UBA6: variants seen among roughly 807,000 people sequenced by gnomAD.
UBA6 encodes ubiquitin-like modifier-activating enzyme 6.
Under a neutral mutation model 148.3 loss-of-function variants are expected in UBA6, and 87 were observed. The observed-to-expected ratio is 0.59, with a 90% CI of 0.49 to 0.70. The LOEUF is 0.70. Among genes scored for constraint, UBA6 ranks in the 30% least tolerant of loss-of-function variants. The pLI is 0.00. For synonymous variants in UBA6, 376 were observed against 401.0 expected (o/e 0.94, Z 0.75); for missense variants, 1,186 against 1,241.2 (o/e 0.96, Z 0.67).
intron 19 of UBA6, among the ~76,000 whole-genome samples, chr4:67,637,024 A>T (rs1729167399): frequency 6.8e-6 from 1 of 146,200 alleles, no homozygotes; most frequent in African/African-American, 2.6e-5. Flanking sequence ...GGATGTGAGG[A>T]GCGCCTCTGC....
chr4:67,692,833 G>A (rs1730726526), intron 2 of UBA6, among the ~76,000 whole-genome samples: 1 of 152,142 alleles, frequency 6.6e-6, no homozygotes, highest in Non-Finnish European at 1.5e-5. Flanking sequence ...CCAAGAAAGA[G>A]AACATCATTA....
chr4:67,653,660 G>A (rs774764363), intron 13 of UBA6, among the ~76,000 whole-genome samples: 76 of 152,066 alleles, frequency 5.0e-4, no homozygotes, highest in Admixed American at 6.6e-4. Context: ...CGCCAGCAAC[G>A]GAACAAAACT....
At chr4:67,686,952 T>TAAAAA (rs546442640) in intron 2 of UBA6, among the ~76,000 whole-genome samples, 61 of 57,184 alleles carry the variant, frequency 1.1e-3, no homozygotes, top group East Asian at 3.8e-3. Flanking sequence ...ATCCTGTCTC[T>TAAAAA]AAAAAAAAAA....
chr4:67,692,391 C>T (rs1430085445), intron 2 of UBA6, among the ~76,000 whole-genome samples: 2 of 152,144 alleles, frequency 1.3e-5, no homozygotes, highest in Non-Finnish European at 1.5e-5. Context: ...GGATTTAAGG[C>T]AGAAATGGAT....
intron 26 of UBA6, 59 bp downstream of exon 26, chr4:67,630,406 TC>T: frequency 9.9e-7 from 1 of 1,013,126 alleles, no homozygotes. Flanking sequence ...AATTAGTGCA[TC>T]AGTCATCTAA....
At chr4:67,683,668 A>G (rs1730493884) in intron 2 of UBA6, among the ~76,000 whole-genome samples, 1 of 152,030 alleles carries the variant, frequency 6.6e-6, no homozygotes, top group Admixed American at 6.6e-5. Context: ...GGCCCAGGGA[A>G]GCAAAAAGAT....
chr4:67,662,249 T>C lies in UBA6; in HGVS notation c.1044A>G (p.Gln348=). The C allele has an allele frequency of 6.2e-7, 1 of 1,613,542 alleles. No homozygotes were observed. The highest frequency in any genetic ancestry group is 8.5e-7 in the Non-Finnish European group (1 of 1,179,754). The change falls in exon 13 of 33, where the codon CAA becomes CAG. Residue 348 remains glutamine, a synonymous_variant. Transcript: ENST00000322244. ...GTTTCAACAGTTCTTCTGAATCTTG[T>C]TGGCATCTACAACTCAAAACAGAAC... The part of the protein sequence containing the change: ...KYSRKPNVGC[Q]QDSEELLKLA...
At chr4:67,636,805 G>A (rs1408233700) in intron 19 of UBA6, among the ~76,000 whole-genome samples, 11 of 151,970 alleles carry the variant, frequency 7.2e-5, no homozygotes, top group Admixed American at 5.9e-4. Context: ...GCCTCTGCCC[G>A]GCCGCCACCC....
At chr4:67,626,259 T>C (rs543263759) in intron 28 of UBA6, 101 bp downstream of exon 28, 8 of 708,948 alleles carry the variant, frequency 1.1e-5, no homozygotes, top group South Asian at 9.5e-5. Flanking sequence ...TTGTCATCAT[T>C]ATTATTGTTG....
chr4:67,687,894 T>C (rs1438590771), intron 2 of UBA6, among the ~76,000 whole-genome samples: 1 of 152,070 alleles, frequency 6.6e-6, no homozygotes, highest in Non-Finnish European at 1.5e-5. Context: ...ACCCCTGAAT[T>C]TAACAGTTAA....
intron 32 of UBA6, among the ~76,000 whole-genome samples, chr4:67,619,333 A>G (rs1250988192): frequency 6.6e-6 from 1 of 152,222 alleles, no homozygotes; most frequent in Non-Finnish European, 1.5e-5. Context: ...CTAACAGTGA[A>G]TAAATTTGGA....
chr4:67,635,425 A>T (rs1176471869), intron 20 of UBA6, 28 bp downstream of exon 20: 1 of 1,312,584 alleles, frequency 7.6e-7, no homozygotes, highest in African/African-American at 1.5e-5. Flanking sequence ...TAAAAAAGAC[A>T]TCTATTTCAA....
chr4:67,637,765 C>G (rs979527628), intron 19 of UBA6, among the ~76,000 whole-genome samples: 8 of 152,048 alleles, frequency 5.3e-5, no homozygotes, highest in Admixed American at 2.0e-4. Flanking sequence ...GTCATCACCA[C>G]TCCCTAATCT....
At chr4:67,639,326 G>C (rs1279584286) in intron 18 of UBA6, among the ~76,000 whole-genome samples, 1 of 151,988 alleles carries the variant, frequency 6.6e-6, no homozygotes, top group East Asian at 1.9e-4. Context: ...ATGCACATTA[G>C]TCCAAATAAT....
At position 67,639,040 on chromosome 4, in the gene UBA6, G is replaced by A. The variant is rs773806193; in HGVS notation, c.1639C>T (p.Pro547Ser). 1.2e-6 allele frequency: 2 copies of A among 1,612,510 alleles called. No individual in the cohort carries two copies. Among genetic ancestry groups the A allele is most frequent in the East Asian group, 4.5e-5 (2 of 44,784 alleles). The change falls in exon 19 of 33, where the codon CCA (proline) becomes TCA (serine). Residue 547 changes from proline (P) to serine (S), a missense_variant. Physicochemically the swap from Pro to Ser is moderately conservative, Grantham distance 74. Coordinates refer to ENST00000322244, the MANE Select transcript of UBA6 (RefSeq NM_018227.6). ...KIDAHLNKVC[P>S]TTETIYNDEF... Reference sequence around the variant, plus strand: ...TCATTGTAAATGGTCTCAGTGGTTGGACATACTTTGTTCAGGTGTGCATCT... The same window carrying A: ...TCATTGTAAATGGTCTCAGTGGTTGAACATACTTTGTTCAGGTGTGCATCT...
At chr4:67,692,677 A>C (rs771822179) in intron 2 of UBA6, among the ~76,000 whole-genome samples, 6 of 152,196 alleles carry the variant, frequency 3.9e-5, no homozygotes, top group Non-Finnish European at 7.3e-5. Flanking sequence ...CCCAAAGTTC[A>C]ACAATGAAGG....
chr4:67,637,689 T>C (rs1729197299), intron 19 of UBA6, among the ~76,000 whole-genome samples: 1 of 152,120 alleles, frequency 6.6e-6, no homozygotes, highest in Admixed American at 6.5e-5. Context: ...CAGGGTTAAA[T>C]GGATTAAGGG....
Position 67,616,109 on chromosome 4 carries a change from C to T in UBA6, c.*2888G>A. 2.5e-6 allele frequency: 1 copy of T among 394,678 alleles called. No homozygotes were observed. The highest frequency in any genetic ancestry group is 4.5e-6 in the Non-Finnish European group (1 of 224,216). 24.4% of individuals were successfully genotyped at this position (394,678 alleles called of 1,614,324 possible). A position where few individuals can be genotyped will look rare whatever the true frequency, so the allele number is the denominator to read the frequency against. On this transcript the variant is annotated 3_prime_UTR_variant, in exon 33 of 33. Coordinates refer to ENST00000322244, the MANE Select transcript of UBA6 (RefSeq NM_018227.6). ...AAGTTATGACATAGAGCAAAATGAA[C>T]ACATATTATCAATGGATACTTAACT...
At chr4:67,688,928 G>A (rs767004248) in intron 2 of UBA6, among the ~76,000 whole-genome samples, 75 of 151,914 alleles carry the variant, frequency 4.9e-4, no homozygotes, top group Non-Finnish European at 4.9e-4. Context: ...TAGCATCCAG[G>A]AAAACAAAAA....
Sources: allele counts gnomAD v4.1 joint callset (sites outside exome capture counted in the v4.1 genomes callset), GRCh38; gene constraint gnomAD v4.1.1; transcripts MANE v1.5; gene names NCBI Gene and HGNC (gene_info 2026-07-23, HGNC 2026-07-21).